Variants in CDH13 observed in about 807,000 individuals in gnomAD.
The protein encoded by CDH13 is cadherin 13.
Under a neutral mutation model 63.8 loss-of-function variants are expected in CDH13, and 24 were observed. The observed-to-expected ratio is 0.38, with a 90% confidence interval of 0.27 to 0.53. CDH13 has a LOEUF of 0.53. CDH13 is among the 20% of genes least tolerant of loss of function. The pLI is 0.85. For missense variants in CDH13, 1,049 were observed against 903.1 expected, an observed-to-expected ratio of 1.16 and a Z score of -2.07; for synonymous variants, 503 against 355.3, an observed-to-expected ratio of 1.42 and a Z score of -4.67.
At chr16:82,917,693 T>A (rs969374548) in intron 2 of CDH13, among the ~76,000 whole-genome samples, 1 of 151,966 alleles carries the variant, frequency 6.6e-6, no homozygotes, top group African/African-American at 2.4e-5. Flanking sequence ...AGGCGGATCA[T>A]TTGAGGTCAG....
chr16:83,286,673 C>T (rs2007279), intron 5 of CDH13, among the ~76,000 whole-genome samples: 1 of 150,970 alleles, frequency 6.6e-6, no homozygotes, highest in African/African-American at 2.4e-5. Context: ...GGAGAATTAC[C>T]TGAACCTGGG....
intron 5 of CDH13, among the ~76,000 whole-genome samples, chr16:83,334,727 C>T (rs908822237): frequency 2.6e-5 from 4 of 152,038 alleles, no homozygotes; most frequent in Non-Finnish European, 5.9e-5. Context: ...CATTGGCAAC[C>T]TTAATTTGGG....
In CDH13 at chr16:83,486,460, C is replaced by G. The variant is rs376798784; in HGVS notation, c.782-17C>G. ...CCATTGATAACCATTCCGTGCCTTT[C>G]TGTCTTGCCCCGGTAGGCACCACAG... is the stretch of plus-strand genomic sequence containing the variant. On this transcript the variant is annotated splice_polypyrimidine_tract_variant and intron_variant, in intron 6 of 13. Transcript: ENST00000567109. The G allele has an allele frequency of 6.2e-7, 1 of 1,605,376 alleles. No homozygotes were observed. The highest frequency in any genetic ancestry group is 1.3e-5 in the African/African-American group (1 of 74,854).
chr16:83,346,041 C>G (rs1416111538), intron 6 of CDH13, among the ~76,000 whole-genome samples: 2 of 152,174 alleles, frequency 1.3e-5, no homozygotes, highest in Non-Finnish European at 2.9e-5. Context: ...TGCCTAAAAC[C>G]TCCCGTCAGC....
chr16:83,202,497 G>C lies in CDH13; in HGVS notation c.484-14848G>C, dbSNP rs188291330. Reference sequence around the variant, plus strand: ...GCTTCACAGAGTGAGAAACCTCAAAGCTGTCTACACATCCTTCCAATGAAG... The same window carrying C: ...GCTTCACAGAGTGAGAAACCTCAAACCTGTCTACACATCCTTCCAATGAAG... On this transcript the variant is annotated intron_variant, in intron 4 of 13. Transcript: ENST00000567109. 2.8e-3 allele frequency among the ~76,000 whole-genome samples: 433 copies of C among 152,238 alleles called. 4 individuals are homozygous for C. The highest frequency in any genetic ancestry group is 9.6e-3 in the African/African-American group (398 of 41,534).
intron 2 of CDH13, among the ~76,000 whole-genome samples, chr16:82,981,299 A>G (rs934944047): frequency 3.9e-5 from 6 of 152,080 alleles, no homozygotes; most frequent in Admixed American, 1.3e-4. Context: ...AGAATGCTCA[A>G]TTCACCTTTC....
At chr16:83,736,590 A>G (rs1911558542) in intron 10 of CDH13, among the ~76,000 whole-genome samples, 1 of 152,138 alleles carries the variant, frequency 6.6e-6, no homozygotes, top group Non-Finnish European at 1.5e-5. Context: ...TAAAGTTGTG[A>G]AGACGTTGTT....
chr16:83,150,787 G>A (rs746575647), intron 4 of CDH13, among the ~76,000 whole-genome samples: 1 of 152,200 alleles, frequency 6.6e-6, no homozygotes, highest in African/African-American at 2.4e-5. Flanking sequence ...AGGAATGCTT[G>A]AGCTGGATTT....
At chr16:82,630,684 C>G (rs1211870199) in intron 1 of CDH13, among the ~76,000 whole-genome samples, 4 of 152,350 alleles carry the variant, frequency 2.6e-5, no homozygotes, top group African/African-American at 9.6e-5. Flanking sequence ...TTCTTGAAAA[C>G]ATCCTTATTT....
intron 2 of CDH13, among the ~76,000 whole-genome samples, chr16:82,957,424 C>T (rs1906283569): frequency 6.6e-6 from 1 of 152,124 alleles, no homozygotes; most frequent in South Asian, 2.1e-4. Flanking sequence ...AACAAATTTC[C>T]AAGTCAACAA....
intron 13 of CDH13, among the ~76,000 whole-genome samples, chr16:83,788,465 A>T (rs925073392): frequency 6.7e-6 from 1 of 149,954 alleles, no homozygotes. Context: ...TAAACATTGA[A>T]TTTTTTTTTT....
chr16:83,705,214 T>A (rs1906832293), intron 10 of CDH13, among the ~76,000 whole-genome samples: 1 of 152,222 alleles, frequency 6.6e-6, no homozygotes. Context: ...GTTTTTTCTG[T>A]CTTTTATGCT....
At chr16:83,324,570 G>C (rs991827499) in intron 5 of CDH13, among the ~76,000 whole-genome samples, 1 of 152,180 alleles carries the variant, frequency 6.6e-6, no homozygotes, top group Admixed American at 6.5e-5. Flanking sequence ...TGTTGTAGTT[G>C]ATGTCAGAGC....
chr16:83,524,962 C>T (rs1451781148), intron 7 of CDH13, among the ~76,000 whole-genome samples: 1 of 152,196 alleles, frequency 6.6e-6, no homozygotes, highest in Non-Finnish European at 1.5e-5. Flanking sequence ...CAATGATTTT[C>T]TCATCATAGA....
chr16:83,432,224 A>T (rs978275664), intron 6 of CDH13, among the ~76,000 whole-genome samples: 3 of 152,180 alleles, frequency 2.0e-5, no homozygotes, highest in Admixed American at 2.0e-4. Flanking sequence ...TGCATTTGGA[A>T]TAAGAGAAAT....
intron 2 of CDH13, among the ~76,000 whole-genome samples, chr16:82,998,267 T>G (rs1282525697): frequency 1.3e-5 from 2 of 152,214 alleles, no homozygotes; most frequent in Non-Finnish European, 2.9e-5. Flanking sequence ...TAATAACATC[T>G]TGTGTCTTAT....
At chr16:83,346,276 G>C (rs1250906906) in intron 6 of CDH13, among the ~76,000 whole-genome samples, 1 of 152,206 alleles carries the variant, frequency 6.6e-6, no homozygotes, top group Non-Finnish European at 1.5e-5. Flanking sequence ...CTTCAGGGCA[G>C]ACAATCCACG....
chr16:83,253,013 T>C (rs57656538), intron 5 of CDH13, among the ~76,000 whole-genome samples: 23,752 of 152,060 alleles, frequency 0.16, 2,222 homozygotes, highest in African/African-American at 0.25. Flanking sequence ...ACTAAGAGAA[T>C]TGAGGTATTG....
chr16:83,394,773 G>A lies in CDH13; in HGVS notation c.781+49767G>A, dbSNP rs552173195. Among the ~76,000 whole-genome samples, 22 of 152,282 alleles carry A rather than the reference G, an allele frequency of 1.4e-4. No homozygotes were observed. In the South Asian group the frequency reaches 2.3e-3, roughly 16 times the overall value. On this transcript the variant is annotated intron_variant, in intron 6 of 13. Transcript: ENST00000567109. ...GCCAGACTGGTAGCAATGGAGGGAT[G>A]AGAAATGGTTAGTATCCGCAGGGGT...
Sources: allele counts gnomAD v4.1 joint callset (sites outside exome capture counted in the v4.1 genomes callset), GRCh38; gene constraint gnomAD v4.1.1; transcripts MANE v1.5; gene names NCBI Gene and HGNC (gene_info 2026-07-23, HGNC 2026-07-21).